OR2C1: variants seen among roughly 807,000 people sequenced by gnomAD.
OR2C1 encodes olfactory receptor 2C1.
For missense variants in OR2C1, 468 were observed against 388.3 expected (o/e 1.21, Z -1.73); for synonymous variants, 209 against 167.3 (o/e 1.25, Z -1.92).
At chr16:3,353,813 AGAAGGAAGGAAG>A (rs113702538), upstream of OR2C1, among the ~76,000 whole-genome samples, 2 of 151,706 alleles carry the variant, frequency 1.3e-5, no homozygotes, top group Admixed American at 6.6e-5. Flanking sequence ...AAAAAGAGAA[AGAAGGAAGGAAG>A]GAAGGAAGGA....
chr16:3,340,261 A>G, the OR2C1 span, among the ~76,000 whole-genome samples: 1 of 150,112 alleles, frequency 6.7e-6, no homozygotes, highest in Non-Finnish European at 1.5e-5. Context: ...CCTGTGCAAA[A>G]GAGCAAAACT....
the OR2C1 span, among the ~76,000 whole-genome samples, chr16:3,327,769 A>G: frequency 6.6e-6 from 1 of 152,132 alleles, no homozygotes; most frequent in Middle Eastern, 3.2e-3. Flanking sequence ...AAAACTAATA[A>G]TAATTACACC....
the OR2C1 span, among the ~76,000 whole-genome samples, chr16:3,331,760 T>A: frequency 1.3e-5 from 2 of 151,632 alleles, no homozygotes; most frequent in Admixed American, 1.3e-4. Flanking sequence ...CATGCTGCTA[T>A]AAAGGCACAT....
At chr16:3,323,508 A>G in the OR2C1 span, 2 of 741,798 alleles carry the variant, frequency 2.7e-6, no homozygotes, top group South Asian at 2.8e-5. Context: ...GGAAATCCCC[A>G]GATCACATAA....
chr16:3,338,472 A>T, the OR2C1 span, among the ~76,000 whole-genome samples: 1 of 146,872 alleles, frequency 6.8e-6, no homozygotes, highest in Non-Finnish European at 1.5e-5. Flanking sequence ...GGCATCATGG[A>T]TATGGAATTC....
the OR2C1 span, among the ~76,000 whole-genome samples, chr16:3,339,392 G>C: frequency 6.6e-6 from 1 of 151,850 alleles, no homozygotes; most frequent in Non-Finnish European, 1.5e-5. Flanking sequence ...GGAATTGTGG[G>C]GTTGTATGGT....
the OR2C1 span, among the ~76,000 whole-genome samples, chr16:3,348,864 T>C: frequency 6.6e-6 from 1 of 152,188 alleles, no homozygotes; most frequent in Admixed American, 6.5e-5. Flanking sequence ...CTAAGGCTCA[T>C]GTCCCTGATT....
the OR2C1 span, among the ~76,000 whole-genome samples, chr16:3,338,586 G>A: frequency 1.5e-5 from 2 of 131,728 alleles, no homozygotes; most frequent in African/African-American, 2.9e-5. Flanking sequence ...CGCCCCGGCT[G>A]GAGTGCAGTG....
chr16:3,351,887 C>CTTTTTT (rs35692577), upstream of OR2C1, among the ~76,000 whole-genome samples: 1 of 124,580 alleles, frequency 8.0e-6, no homozygotes, highest in Non-Finnish European at 1.7e-5. Flanking sequence ...AGCATTTAGT[C>CTTTTTT]TTTTTTTTTT....
chr16:3,355,733 G>C (rs2030655200), upstream of OR2C1, among the ~76,000 whole-genome samples: 1 of 152,130 alleles, frequency 6.6e-6, no homozygotes, highest in African/African-American at 2.4e-5. Flanking sequence ...AGTGAGCTGA[G>C]ATTGTGCCAC....
At chr16:3,343,833 T>G in the OR2C1 span, among the ~76,000 whole-genome samples, 323 of 152,276 alleles carry the variant, frequency 2.1e-3, 11 homozygotes, top group East Asian at 0.055. Flanking sequence ...ATATTAAGGA[T>G]TTCTGTTCAA....
At position 3,356,044 on chromosome 16, in the gene OR2C1, A is replaced by G. The variant is rs1215354935; in HGVS notation, c.104A>G (p.Tyr35Cys). The G allele has an allele frequency of 6.2e-7, 1 of 1,613,672 alleles. No individual in the cohort carries two copies. Among genetic ancestry groups the G allele is most frequent in the East Asian group, 2.2e-5 (1 of 44,868 alleles). The change falls in exon 1 of 1, where the codon TAT becomes TGT. Residue 35 changes from tyrosine (Y) to cysteine (C), a missense_variant. Physicochemically the swap from Tyr to Cys is radical, Grantham distance 194. Transcript: ENST00000304936. ...MIFFIAILFS[Y>C]LLTLLGNSTI... ...TTTTTTATAGCCATCCTCTTCTCCTATTTGCTGACCCTACTTGGGAACTCA... is the reference window on the plus strand; with the variant it reads ...TTTTTTATAGCCATCCTCTTCTCCTGTTTGCTGACCCTACTTGGGAACTCA...
the OR2C1 span, among the ~76,000 whole-genome samples, chr16:3,326,970 T>C: frequency 6.6e-6 from 1 of 152,196 alleles, no homozygotes; most frequent in Admixed American, 6.5e-5. Flanking sequence ...CGTGAATCTA[T>C]ACATTCCCTT....
chr16:3,325,550 G>A, the OR2C1 span, among the ~76,000 whole-genome samples: 2 of 147,714 alleles, frequency 1.4e-5, no homozygotes, highest in African/African-American at 2.5e-5. Context: ...AGTGTGTGCT[G>A]TTGGAAAAAT....
the OR2C1 span, among the ~76,000 whole-genome samples, chr16:3,344,180 C>T: frequency 2.0e-5 from 3 of 151,878 alleles, no homozygotes; most frequent in African/African-American, 7.3e-5. Flanking sequence ...GAGATCGCAC[C>T]ACTGCACTCC....
rs766557778 is a variant in OR2C1 at position 3,356,402 on chromosome 16, C to T, written c.462C>T (p.Gly154=). 6.2e-7 allele frequency: 1 copy of T among 1,613,770 alleles called. No individual in the cohort carries two copies. Among genetic ancestry groups the T allele is most frequent in the South Asian group, 1.1e-5 (1 of 91,088 alleles). The change falls in exon 1 of 1, where the codon GGC becomes GGT. Residue 154 remains glycine (G), a synonymous_variant. Transcript: ENST00000304936. ...LAVIACLGGL[G]NSVIQSTFTL... Reference sequence around the variant, plus strand: ...TGATTGCCTGCCTGGGTGGCTTGGGCAACTCTGTGATCCAGTCAACATTCA... The same window carrying T: ...TGATTGCCTGCCTGGGTGGCTTGGGTAACTCTGTGATCCAGTCAACATTCA...
At chr16:3,340,589 G>C in the OR2C1 span, among the ~76,000 whole-genome samples, 1 of 152,116 alleles carries the variant, frequency 6.6e-6, no homozygotes, top group Non-Finnish European at 1.5e-5. Flanking sequence ...CTGTTTTTTA[G>C]GTAATAGATT....
chr16:3,345,484 TC>T, the OR2C1 span, among the ~76,000 whole-genome samples: 3,606 of 50,194 alleles, frequency 0.072, 134 homozygotes, highest in African/African-American at 0.22. Flanking sequence ...AGACTCTGTC[TC>T]AAAAAAAAAA....
the OR2C1 span, among the ~76,000 whole-genome samples, chr16:3,348,500 C>G: frequency 6.6e-6 from 1 of 152,150 alleles, no homozygotes; most frequent in Non-Finnish European, 1.5e-5. Flanking sequence ...TAACCCCTGC[C>G]TGGTGTGATG....
Sources: allele counts gnomAD v4.1 joint callset (sites outside exome capture counted in the v4.1 genomes callset), GRCh38; gene constraint gnomAD v4.1.1; transcripts MANE v1.5; gene names NCBI Gene and HGNC (gene_info 2026-07-23, HGNC 2026-07-21).